Variants in CLIP2 observed in about 807,000 individuals in gnomAD.
CLIP2 encodes the protein CAP-Gly domain-containing linker protein 2.
A neutral mutation model predicts 111.7 loss-of-function variants in CLIP2; 41 were observed. That is an observed-to-expected ratio of 0.37 (90% confidence interval 0.29 to 0.48). CLIP2 has a LOEUF of 0.48. Among genes scored for constraint, CLIP2 ranks in the 20% least tolerant of loss-of-function variants. The pLI is 0.99. For synonymous variants in CLIP2, 660 were observed against 644.2 expected (o/e 1.02, Z -0.37); for missense variants, 1,160 against 1,422.1 (o/e 0.82, Z 2.96).
chr7:74,389,064 C>T, intron 12 of CLIP2, 39 bp from the exon 13 acceptor site: 1 of 1,574,338 alleles, frequency 6.4e-7, no homozygotes, highest in East Asian at 2.3e-5. Context: ...CTCACGTGTT[C>T]CCAATCCTCT....
In CLIP2 at chr7:74,323,081, T is replaced by TTTTATTTATTTA. The variant is rs58819810; in HGVS notation, c.121+5450_121+5461dup. ...TGTACCTTTTCTATGTTTAGCTATG[T>TTTTATTTATTTA]TTTATTTATTTATTTATTTATTTAT... On this transcript the variant is annotated intron_variant, in intron 2 of 16. Transcript: ENST00000223398. 6.9e-5 allele frequency among the ~76,000 whole-genome samples: 10 copies of TTTTATTTATTTA among 144,934 alleles called. No homozygotes were observed. The East Asian group carries it at 1.0e-3, about 15-fold the overall frequency.
At position 74,386,558 on chromosome 7, in the gene CLIP2, G is replaced by A; in HGVS notation, c.2517G>A (p.Val839=). The change falls in exon 12 of 17, where the codon GTG becomes GTA. Residue 839 remains valine, a synonymous_variant. Transcript: ENST00000223398. ...AGCTGAACAAGAGGGACAAAGAGGT[G>A]ACAGCCTTGACCTCCCAGACCGAGA... ...QDKLNKRDKE[V]TALTSQTEML... The A allele has an allele frequency of 6.2e-7, 1 of 1,611,354 alleles. No individual in the cohort carries two copies. Among genetic ancestry groups the A allele is most frequent in the Non-Finnish European group, 8.5e-7 (1 of 1,178,888 alleles).
At chr7:74,393,497 C>A (rs372428227) in intron 13 of CLIP2, among the ~76,000 whole-genome samples, 1 of 151,802 alleles carries the variant, frequency 6.6e-6, no homozygotes, top group Non-Finnish European at 1.5e-5. Context: ...CCACCATGCC[C>A]GGCTAATTTT....
intron 3 of CLIP2, 64 bp from the exon 4 acceptor site, chr7:74,353,816 G>A: frequency 6.2e-7 from 1 of 1,608,338 alleles, no homozygotes; most frequent in Middle Eastern, 1.7e-4. Flanking sequence ...TGGGCTGGGT[G>A]CCCCTGCCAT....
Position 74,376,439 on chromosome 7 carries a change from AAGG to A in CLIP2, c.2041_2043del (p.Glu681del). 1 of 1,613,942 alleles carries A rather than the reference AAGG, an allele frequency of 6.2e-7. No homozygotes were observed. Among genetic ancestry groups the A allele is most frequent in the Non-Finnish European group, 8.5e-7 (1 of 1,180,016 alleles). On this transcript the variant is annotated inframe_deletion, in exon 10 of 17. Transcript: ENST00000223398. This position sits in a 1 kb window ranked among gnomAD's most constrained non-coding sequence, Gnocchi z 7.1. ...TGACCTGGAGACCGCCATGCACGTG[AAGG>A]AGAAGGAGGCCCTGCGAGAGAAGCT...
chr7:74,359,325 G>A (rs1360144148), intron 6 of CLIP2, among the ~76,000 whole-genome samples: 1 of 109,648 alleles, frequency 9.1e-6, no homozygotes, highest in Non-Finnish European at 1.9e-5. Flanking sequence ...TTTTTTTAAT[G>A]TATGACTGTC....
chr7:74,294,723 A>G lies in CLIP2; in HGVS notation c.-68+4989A>G, dbSNP rs140928220. ...CCCTGCCCACCTCACAATGTGCAGC[A>G]TTGAGCTTCCACAAGCTTTTACTAA... On this transcript the variant is annotated intron_variant, in intron 1 of 16. Coordinates refer to ENST00000223398, the MANE Select transcript of CLIP2 (RefSeq NM_003388.5). Among the ~76,000 whole-genome samples the G allele has an allele frequency of 4.4e-3, 664 of 152,314 alleles. 4 individuals are homozygous for G. The highest frequency in any genetic ancestry group is 7.1e-3 in the Non-Finnish European group (484 of 68,022).
In CLIP2 at chr7:74,317,550, C is replaced by G; in HGVS notation, c.4C>G (p.Gln2Glu). M[Q>E]KPSGLKPPGR... ...CCACCTGCCCAGTGGCACCGCCATGCAGAAGCCCAGCGGCCTGAAGCCCCC... is the reference window on the plus strand; with the variant it reads ...CCACCTGCCCAGTGGCACCGCCATGGAGAAGCCCAGCGGCCTGAAGCCCCC... The change falls in exon 2 of 17, where the codon CAG (glutamine) becomes GAG (glutamate). Residue 2 changes from glutamine (Q) to glutamate (E), a missense_variant. This residue lies in a region of CLIP2 where 301 missense variants were observed against 315.2 expected (regional missense o/e 0.96). Transcript: ENST00000223398. 1 of 1,437,320 alleles carries G rather than the reference C, an allele frequency of 7.0e-7. No homozygotes were observed. Among genetic ancestry groups the G allele is most frequent in the Non-Finnish European group, 9.2e-7 (1 of 1,087,340 alleles). 89.0% of individuals were successfully genotyped at this position (1,437,320 alleles called of 1,614,324 possible).
At chr7:74,322,261 G>C (rs1159289235) in intron 2 of CLIP2, among the ~76,000 whole-genome samples, 1 of 151,464 alleles carries the variant, frequency 6.6e-6, no homozygotes. Flanking sequence ...AAAGTGCTGG[G>C]AGTACAGGCG....
intron 3 of CLIP2, among the ~76,000 whole-genome samples, chr7:74,342,482 C>G (rs1313119394): frequency 2.0e-5 from 3 of 152,192 alleles, no homozygotes; most frequent in Non-Finnish European, 4.4e-5. Context: ...GGTGACCCCA[C>G]AGGGCCAGGG....
rs782431641 is a variant in CLIP2 at position 74,373,051 on chromosome 7, G to A, written c.1485+15G>A. The stretch of plus-strand genomic sequence containing the variant: ...CGGACAACAGGGTAACCGCGCCACC[G>A]CACCCGCCTGGCCCGCCAGCCACCT... On this transcript the variant is annotated intron_variant, in intron 9 of 16. Coordinates refer to ENST00000223398, the MANE Select transcript of CLIP2 (RefSeq NM_003388.5). 8.5e-6 allele frequency: 13 copies of A among 1,531,642 alleles called. No individual in the cohort carries two copies. Among genetic ancestry groups the A allele is most frequent in the African/African-American group, 1.4e-5 (1 of 72,986 alleles). The allele number at this position is 1,531,642 out of a possible 1,614,324, so 94.9% of individuals were successfully genotyped here. A position where few individuals can be genotyped will look rare whatever the true frequency, so the allele number is the denominator to read the frequency against.
intron 16 of CLIP2, 90 bp from the exon 17 acceptor site, chr7:74,403,747 C>A: frequency 1.4e-6 from 2 of 1,395,558 alleles, no homozygotes; most frequent in Non-Finnish European, 2.0e-6. Flanking sequence ...CCACCCGGCC[C>A]CAACTCCTTT....
At chr7:74,324,117 C>T (rs1789049530) in intron 2 of CLIP2, among the ~76,000 whole-genome samples, 1 of 152,060 alleles carries the variant, frequency 6.6e-6, no homozygotes, top group African/African-American at 2.4e-5. Flanking sequence ...CTCAGCCTCC[C>T]AAGTAGCTGG....
chr7:74,353,740 G>A (rs1291756347), intron 3 of CLIP2, 140 bp from the exon 4 acceptor site: 3 of 1,128,168 alleles, frequency 2.7e-6, no homozygotes, highest in African/African-American at 3.0e-5. Flanking sequence ...ATCCTTAGGT[G>A]TCTCTCCCTC....
chr7:74,346,729 AAAAAAAAAAAAAAC>A (rs1789806818), intron 3 of CLIP2, among the ~76,000 whole-genome samples: 3 of 93,330 alleles, frequency 3.2e-5, no homozygotes, highest in South Asian at 3.8e-4. Flanking sequence ...AAAAAAAAAA[AAAAAAAAAAAAAAC>A]AAAACACTGG....
Position 74,346,249 on chromosome 7 carries a change from G to A in CLIP2, c.678+7245G>A, listed in dbSNP as rs145444605. Among the ~76,000 whole-genome samples the A allele has an allele frequency of 4.4e-3, 662 of 152,078 alleles. 7 individuals are homozygous for A. Among genetic ancestry groups the A allele is most frequent in the South Asian group, 0.016 (76 of 4,814 alleles). On this transcript the variant is annotated intron_variant, in intron 3 of 16. Transcript: ENST00000223398. Reference sequence around the variant, plus strand: ...TCCTTTCTCAGTCTCCCAAAGTGTTGGGATTACAGGTGTGAGCCACCACAT... The same window carrying A: ...TCCTTTCTCAGTCTCCCAAAGTGTTAGGATTACAGGTGTGAGCCACCACAT...
At chr7:74,356,723 G>T in intron 5 of CLIP2, 100 bp downstream of exon 5, 1 of 1,129,478 alleles carries the variant, frequency 8.9e-7, no homozygotes, top group Non-Finnish European at 1.3e-6. Flanking sequence ...ACTTACTCTA[G>T]TTCCAGTTTG....
chr7:74,397,658 TTTTTTTTG>T (rs1562731670), intron 14 of CLIP2, among the ~76,000 whole-genome samples: 1 of 74,348 alleles, frequency 1.3e-5, no homozygotes, highest in African/African-American at 7.0e-5. Flanking sequence ...GGTGGCTGAG[TTTTTTTTG>T]TTTTTTTTTT....
intron 2 of CLIP2, among the ~76,000 whole-genome samples, chr7:74,329,087 G>GTTTTT (rs35692014): frequency 8.1e-5 from 9 of 111,068 alleles, no homozygotes; most frequent in African/African-American, 1.4e-4. Context: ...TTTTTTTTTG[G>GTTTTT]TTTTTTTTTT....
Sources: gnomAD v4.1 joint callset for allele counts (sites outside exome capture counted in the v4.1 genomes callset) on GRCh38, gnomAD v4.1.1 for gene constraint, gnomAD v4.1.1 regional missense constraint, Gnocchi (gnomAD v3.1) non-coding constraint, MANE v1.5 for transcripts, NCBI Gene and HGNC (gene_info 2026-07-23, HGNC 2026-07-21) for gene names.